The following EPHA6 variants were observed in gnomAD, a reference collection of about 807,000 sequenced individuals.
EPHA6 encodes EPH receptor A6, also known as ephrin type-A receptor 6.
EPHA6 carries 50 observed loss-of-function variants against 112.0 expected under a neutral mutation model. The observed-to-expected ratio is 0.45, with a 90% confidence interval of 0.36 to 0.56. The LOEUF (loss-of-function observed/expected upper bound fraction) is 0.56. Ranked by LOEUF, EPHA6 falls within the 20% of genes least tolerant of loss-of-function variation. The pLI, the probability that EPHA6 is intolerant of heterozygous loss-of-function variation, is 0.00. For synonymous variants in EPHA6, 529 were observed against 490.7 expected (o/e 1.08, Z -1.03); for missense variants, 1,280 against 1,417.4 (o/e 0.90, Z 1.56).
At chr3:97,574,625 C>A (rs184005506) in intron 11 of EPHA6, among the ~76,000 whole-genome samples, 11 of 152,052 alleles carry the variant, frequency 7.2e-5, no homozygotes, top group Middle Eastern at 3.4e-3. Context: ...AAAAATACTG[C>A]AATATTTGTT....
At chr3:97,048,106 A>G (rs1200993600) in intron 3 of EPHA6, among the ~76,000 whole-genome samples, 1 of 152,238 alleles carries the variant, frequency 6.6e-6, no homozygotes, top group Non-Finnish European at 1.5e-5. Context: ...ATTCAATAAA[A>G]CAAACATAAC....
intron 14 of EPHA6, among the ~76,000 whole-genome samples, chr3:97,706,152 G>T (rs1213653901): frequency 6.6e-6 from 1 of 152,122 alleles, no homozygotes; most frequent in African/African-American, 2.4e-5. Flanking sequence ...CACATTTACT[G>T]TAGTTGATTC....
intron 3 of EPHA6, among the ~76,000 whole-genome samples, chr3:97,042,698 G>T (rs1314913326): frequency 6.6e-6 from 1 of 152,116 alleles, no homozygotes; most frequent in Non-Finnish European, 1.5e-5. Flanking sequence ...TAGCAGGCAA[G>T]GTTACTCAGC....
At chr3:96,886,754 T>C (rs935622821) in intron 2 of EPHA6, among the ~76,000 whole-genome samples, 4 of 152,172 alleles carry the variant, frequency 2.6e-5, no homozygotes. Context: ...GTTTTTGCTT[T>C]TTAACTTGTA....
intron 14 of EPHA6, among the ~76,000 whole-genome samples, chr3:97,716,084 A>G (rs1045495098): frequency 6.6e-6 from 1 of 152,174 alleles, no homozygotes; most frequent in Non-Finnish European, 1.5e-5. Flanking sequence ...TGTTCCAATA[A>G]TTGTGATTTC....
At chr3:97,257,874 G>T (rs1221234034) in intron 5 of EPHA6, among the ~76,000 whole-genome samples, 1 of 152,002 alleles carries the variant, frequency 6.6e-6, no homozygotes. Context: ...AGCAGGATTA[G>T]AAACCCTATA....
intron 12 of EPHA6, among the ~76,000 whole-genome samples, chr3:97,604,563 C>T (rs185288091): frequency 7.5e-4 from 113 of 151,558 alleles, no homozygotes; most frequent in Non-Finnish European, 1.4e-3. Flanking sequence ...GATACCTATG[C>T]ACAAAAGGAA....
At chr3:97,544,815 C>G (rs2092921535) in intron 11 of EPHA6, among the ~76,000 whole-genome samples, 1 of 152,106 alleles carries the variant, frequency 6.6e-6, no homozygotes, top group Admixed American at 6.5e-5. Flanking sequence ...CTGGTTTAGT[C>G]TTGGGAGGAT....
At chr3:96,981,678 G>A (rs543276405) in intron 2 of EPHA6, among the ~76,000 whole-genome samples, 1 of 151,588 alleles carries the variant, frequency 6.6e-6, no homozygotes, top group Non-Finnish European at 1.5e-5. Context: ...GAATCCTTCT[G>A]GTCCTGGACT....
chr3:97,118,982 C>A (rs1045076465), intron 3 of EPHA6, among the ~76,000 whole-genome samples: 2 of 151,970 alleles, frequency 1.3e-5, no homozygotes, highest in Non-Finnish European at 2.9e-5. Context: ...TATTTACTCA[C>A]AAGCCTCTAT....
intron 3 of EPHA6, among the ~76,000 whole-genome samples, chr3:97,057,662 A>C (rs1183288024): frequency 8.5e-5 from 13 of 152,242 alleles, no homozygotes; most frequent in Admixed American, 7.9e-4. Flanking sequence ...CACAACTATC[A>C]TAATCACAGT....
At chr3:97,233,346 A>G (rs757120595) in intron 4 of EPHA6, among the ~76,000 whole-genome samples, 3 of 152,076 alleles carry the variant, frequency 2.0e-5, no homozygotes, top group Non-Finnish European at 4.4e-5. Flanking sequence ...AAACTTCAAA[A>G]CATTATGTCT....
intron 6 of EPHA6, among the ~76,000 whole-genome samples, chr3:97,429,254 C>A (rs541021337): frequency 6.6e-5 from 10 of 152,224 alleles, no homozygotes; most frequent in Middle Eastern, 6.8e-3. Context: ...TTCATCCATA[C>A]TTTTATAGTA....
intron 3 of EPHA6, among the ~76,000 whole-genome samples, chr3:97,182,653 C>G (rs1307141541): frequency 6.6e-6 from 1 of 152,046 alleles, no homozygotes; most frequent in Non-Finnish European, 1.5e-5. Flanking sequence ...TCAATCAGTC[C>G]TGATGAGTTT....
At chr3:96,974,148 A>G (rs1449436539) in intron 2 of EPHA6, among the ~76,000 whole-genome samples, 3 of 146,804 alleles carry the variant, frequency 2.0e-5, no homozygotes, top group Non-Finnish European at 4.5e-5. Flanking sequence ...ATAATTATAA[A>G]TAATGTATTA....
intron 10 of EPHA6, among the ~76,000 whole-genome samples, chr3:97,501,794 G>A (rs867920091): frequency 2.0e-5 from 3 of 151,902 alleles, no homozygotes; most frequent in African/African-American, 7.3e-5. Flanking sequence ...AAAAGAGAAA[G>A]GGAATAAAAG....
At chr3:96,852,099 G>C (rs1041260489) in intron 1 of EPHA6, among the ~76,000 whole-genome samples, 2 of 152,096 alleles carry the variant, frequency 1.3e-5, no homozygotes, top group African/African-American at 4.8e-5. Flanking sequence ...TCAGTACAAT[G>C]TGTGATATTT....
chr3:97,280,715 T>C (rs1336432831), intron 5 of EPHA6, among the ~76,000 whole-genome samples: 1 of 152,214 alleles, frequency 6.6e-6, no homozygotes, highest in Non-Finnish European at 1.5e-5. Context: ...TTTCCTTATA[T>C]ATCTCTTTAT....
chr3:97,641,554 C>G (rs1047152385), intron 14 of EPHA6, among the ~76,000 whole-genome samples: 1 of 152,176 alleles, frequency 6.6e-6, no homozygotes. Context: ...TAGGGAGTGC[C>G]AGACAGTGGG....
Sources: allele counts gnomAD v4.1 joint callset (sites outside exome capture counted in the v4.1 genomes callset), GRCh38; gene constraint gnomAD v4.1.1; transcripts MANE v1.5; gene names NCBI Gene and HGNC (gene_info 2026-07-23, HGNC 2026-07-21).